Variants in CD44 observed in about 807,000 individuals in gnomAD.
CD44 encodes the protein CD44 molecule (IN blood group).
A neutral mutation model predicts 88.8 loss-of-function variants in CD44; 49 were observed. The ratio of observed to expected loss-of-function variants is 0.55; its 90% confidence interval spans 0.44 to 0.70. CD44 has a LOEUF of 0.70. CD44 is among the 30% of genes least tolerant of loss of function. The pLI is 0.00. For missense variants in CD44, 883 were observed against 913.8 expected (o/e 0.97, Z 0.43); for synonymous variants, 325 against 312.3 (o/e 1.04, Z -0.43).
At chr11:35,181,837 TA>T (rs1331348803) in intron 3 of CD44, among the ~76,000 whole-genome samples, 47 of 95,388 alleles carry the variant, frequency 4.9e-4, no homozygotes, top group African/African-American at 1.9e-3. Flanking sequence ...TATAAATATA[TA>T]AAAATTATAT....
chr11:35,192,713 C>T (rs939996249), intron 5 of CD44, among the ~76,000 whole-genome samples: 1 of 151,866 alleles, frequency 6.6e-6, no homozygotes, highest in African/African-American at 2.4e-5. Context: ...ATCAAGAAAC[C>T]TAAACTAATT....
intron 14 of CD44, chr11:35,213,549 G>C (rs1157925917): frequency 6.6e-6 from 1 of 152,230 alleles, no homozygotes; most frequent in East Asian, 1.9e-4. Context: ...CTACTCAGGA[G>C]ACTAAGGCAT....
intron 17 of CD44, among the ~76,000 whole-genome samples, chr11:35,228,250 T>C (rs906786027): frequency 6.6e-6 from 1 of 152,218 alleles, no homozygotes; most frequent in Admixed American, 6.5e-5. Context: ...TTAAGTAATG[T>C]TTGAGAAACC....
chr11:35,174,742 G>C (rs540102282), intron 1 of CD44, among the ~76,000 whole-genome samples: 1 of 152,190 alleles, frequency 6.6e-6, no homozygotes, highest in Non-Finnish European at 1.5e-5. Context: ...CAAACGACAG[G>C]CTTTTGGTCT....
At chr11:35,226,911 G>A (rs1369044084) in intron 17 of CD44, among the ~76,000 whole-genome samples, 1 of 93,866 alleles carries the variant, frequency 1.1e-5, no homozygotes, top group Non-Finnish European at 2.3e-5. Context: ...TTGAGACGGA[G>A]TCTTACTGTG....
chr11:35,205,398 C>T (rs568182339), intron 10 of CD44, among the ~76,000 whole-genome samples: 1 of 152,028 alleles, frequency 6.6e-6, no homozygotes, highest in African/African-American at 2.4e-5. Context: ...GATAATGCAT[C>T]ATGTCCTTCT....
chr11:35,190,122 G>A lies in CD44; in HGVS notation c.667+57G>A, dbSNP rs1017213889. 11 of 1,444,336 alleles carry A rather than the reference G, an allele frequency of 7.6e-6. No individual in the cohort carries two copies. In the African/African-American group the frequency reaches 1.5e-4, roughly 20 times the overall value. 89.5% of individuals were successfully genotyped at this position (1,444,336 alleles called of 1,614,324 possible). On this transcript the variant is annotated intron_variant, in intron 5 of 17. Coordinates refer to ENST00000428726, the MANE Select transcript of CD44 (RefSeq NM_000610.4). ...AGCAATTCCCTGGCAAAATGTCTCT[G>A]ACCTTCCTGAGCATTGCACACTCAC...
Position 35,208,092 on chromosome 11 carries a change from T to A in CD44, c.1415-13T>A. 2 of 1,497,248 alleles carry A rather than the reference T, an allele frequency of 1.3e-6. No individual in the cohort carries two copies. Among genetic ancestry groups the A allele is most frequent in the East Asian group, 2.3e-5 (1 of 44,250 alleles). The allele number at this position is 1,497,248 out of a possible 1,614,324, so 92.7% of individuals were successfully genotyped here. A position where few individuals can be genotyped will look rare whatever the true frequency, so the allele number is the denominator to read the frequency against. ...GGGAAATCAAGCAATAACACTAATA[T>A]TGATTCCTTCAGATATGGACTCCAG... On this transcript the variant is annotated splice_polypyrimidine_tract_variant and intron_variant, in intron 11 of 17. Coordinates refer to ENST00000428726, the MANE Select transcript of CD44 (RefSeq NM_000610.4).
intron 3 of CD44, among the ~76,000 whole-genome samples, chr11:35,186,428 T>A (rs1945683594): frequency 6.6e-6 from 1 of 152,316 alleles, no homozygotes; most frequent in Non-Finnish European, 1.5e-5. Context: ...ACTTTACTTT[T>A]AAATTTTTTT....
At chr11:35,166,295 A>G (rs1429724436) in intron 1 of CD44, among the ~76,000 whole-genome samples, 2 of 152,128 alleles carry the variant, frequency 1.3e-5, no homozygotes, top group Admixed American at 1.3e-4. Flanking sequence ...GTCAAAGACT[A>G]CTTGGTGTTA....
At chr11:35,226,353 G>C (rs568569553) in intron 17 of CD44, among the ~76,000 whole-genome samples, 1 of 152,254 alleles carries the variant, frequency 6.6e-6, no homozygotes, top group African/African-American at 2.4e-5. Context: ...ACCACCCATT[G>C]GTTAGGGAAA....
chr11:35,160,553 G>A (rs1018044065), intron 1 of CD44, among the ~76,000 whole-genome samples: 4 of 152,216 alleles, frequency 2.6e-5, no homozygotes, highest in Non-Finnish European at 5.9e-5. Context: ...AAGTGAGAAA[G>A]ATATGTAGCC....
chr11:35,181,905 T>TATTATATATTATATATTATATATA (rs1291148360), intron 3 of CD44, among the ~76,000 whole-genome samples: 3,820 of 65,364 alleles, frequency 0.058, 283 homozygotes, highest in African/African-American at 0.086. Flanking sequence ...ATATAATATA[T>TATTATATATTATATATTATATATA]AATATATATT....
chr11:35,227,433 G>A (rs187098796), intron 17 of CD44, among the ~76,000 whole-genome samples: 114 of 152,254 alleles, frequency 7.5e-4, no homozygotes, highest in African/African-American at 2.3e-3. Flanking sequence ...TGATCCACCC[G>A]CCTTGGCCTC....
chr11:35,232,181 T>C lies in CD44; in HGVS notation c.*2848T>C, dbSNP rs1418769504. ...ATAGATATGTCTTTGTGTAAATCATTTGTTTTGAGTTTTCAAAGAATAGCC... is the reference window on the plus strand; with the variant it reads ...ATAGATATGTCTTTGTGTAAATCATCTGTTTTGAGTTTTCAAAGAATAGCC... On this transcript the variant is annotated 3_prime_UTR_variant, in exon 18 of 18. Transcript: ENST00000428726. 1 of 152,630 alleles carries C rather than the reference T, an allele frequency of 6.6e-6. No homozygotes were observed. Among genetic ancestry groups the C allele is most frequent in the East Asian group, 1.9e-4 (1 of 5,198 alleles). 9.5% of individuals were successfully genotyped at this position (152,630 alleles called of 1,614,324 possible).
chr11:35,185,235 A>G (rs1317233216), intron 3 of CD44, among the ~76,000 whole-genome samples: 1 of 152,214 alleles, frequency 6.6e-6, no homozygotes, highest in Admixed American at 6.5e-5. Flanking sequence ...TGGCCTCGCC[A>G]AGGAGGTGAT....
In CD44 at chr11:35,196,796, G is replaced by T. The variant is rs1191270642; in HGVS notation, c.718G>T (p.Glu240Ter). 1.2e-6 allele frequency: 2 copies of T among 1,613,656 alleles called. No individual in the cohort carries two copies. Among genetic ancestry groups the T allele is most frequent in the African/African-American group, 2.7e-5 (2 of 74,910 alleles). Residue 240 changes from glutamate (E) to a stop codon, truncating the protein, a stop_gained, in exon 6 of 18, where the codon GAA (glutamate) becomes TAA (stop). Coordinates refer to ENST00000428726, the MANE Select transcript of CD44 (RefSeq NM_000610.4). LOFTEE classifies it high-confidence loss of function. Reference sequence around the variant, plus strand: ...AACTGAGACAGCAACCAAGAGGCAAGAAACCTGGGATTGGTTTTCATGGTT... The same window carrying T: ...AACTGAGACAGCAACCAAGAGGCAATAAACCTGGGATTGGTTTTCATGGTT... ...TATETATKRQ[E>*]TWDWFSWLFL...
chr11:35,147,073 T>C (rs558736325), intron 1 of CD44, among the ~76,000 whole-genome samples: 9 of 152,278 alleles, frequency 5.9e-5, no homozygotes, highest in Admixed American at 4.6e-4. Flanking sequence ...TAGGATAGGA[T>C]AGGGCTGAAA....
rs190196219 is a variant in CD44 at position 35,208,292 on chromosome 11, G to A, written c.1516+86G>A. 1.3e-5 allele frequency: 12 copies of A among 911,452 alleles called. No individual in the cohort carries two copies. In the East Asian group the frequency reaches 2.9e-4, roughly 22 times the overall value. The allele number at this position is 911,452 out of a possible 1,614,324, so 56.5% of individuals were successfully genotyped here. A position where few individuals can be genotyped will look rare whatever the true frequency, so the allele number is the denominator to read the frequency against. On this transcript the variant is annotated intron_variant, in intron 12 of 17. Coordinates refer to ENST00000428726, the MANE Select transcript of CD44 (RefSeq NM_000610.4). ...CTATTGGCCAAGATGCAGAGCTTTGGTGGTGGAATGGTGCTATGTGGCTTA... is the reference window on the plus strand; with the variant it reads ...CTATTGGCCAAGATGCAGAGCTTTGATGGTGGAATGGTGCTATGTGGCTTA...
Sources: gnomAD v4.1 joint callset for allele counts (sites outside exome capture counted in the v4.1 genomes callset) on GRCh38, gnomAD v4.1.1 for gene constraint, MANE v1.5 for transcripts, NCBI Gene and HGNC (gene_info 2026-07-23, HGNC 2026-07-21) for gene names.